The following INPP4B variants were observed in gnomAD, a reference collection of about 807,000 sequenced individuals.
INPP4B encodes inositol polyphosphate-4-phosphatase type II B.
A neutral mutation model predicts 122.5 loss-of-function variants in INPP4B; 55 were observed. The ratio of observed to expected loss-of-function variants is 0.45; its 90% CI spans 0.36 to 0.56. The LOEUF is 0.56. INPP4B is among the 20% of genes least tolerant of loss of function. The probability of loss-of-function intolerance (pLI) is 0.00; values close to 1 mark genes in which losing one functional copy is unlikely to be tolerated. For missense variants in INPP4B, 1,000 were observed against 1,097.7 expected, an observed-to-expected ratio of 0.91 and a Z score of 1.26; for synonymous variants, 403 against 388.7, an observed-to-expected ratio of 1.04 and a Z score of -0.43.
At chr4:142,171,900 G>T (rs1017060964) in intron 16 of INPP4B, among the ~76,000 whole-genome samples, 12 of 151,910 alleles carry the variant, frequency 7.9e-5, no homozygotes, top group African/African-American at 2.4e-4. Flanking sequence ...TCCCTGCCCA[G>T]TGCACAAGAA....
At chr4:142,731,317 T>C (rs1457471831) in intron 1 of INPP4B, among the ~76,000 whole-genome samples, 1 of 152,210 alleles carries the variant, frequency 6.6e-6, no homozygotes, top group African/African-American at 2.4e-5. Flanking sequence ...TATATCTAAA[T>C]GCAATCCTTT....
chr4:142,032,002 C>G (rs537812410), intron 25 of INPP4B, among the ~76,000 whole-genome samples: 4 of 152,186 alleles, frequency 2.6e-5, no homozygotes, highest in African/African-American at 9.6e-5. Context: ...GGAAAAGATT[C>G]ATATGTGTGT....
At chr4:142,841,491 T>C (rs1783486283) in intron 1 of INPP4B, among the ~76,000 whole-genome samples, 1 of 151,960 alleles carries the variant, frequency 6.6e-6, no homozygotes, top group African/African-American at 2.4e-5. Context: ...TCTAAAATGG[T>C]AGTCCCCAAG....
chr4:142,242,796 C>T (rs1860139170), intron 11 of INPP4B, among the ~76,000 whole-genome samples: 2 of 152,156 alleles, frequency 1.3e-5, no homozygotes, highest in South Asian at 2.1e-4. Flanking sequence ...CATCACATCC[C>T]CGTCTCTATC....
Position 142,082,151 on chromosome 4 carries a change from C to G in INPP4B, c.2522G>C (p.Cys841Ser). 1.3e-6 allele frequency: 2 copies of G among 1,533,954 alleles called. No individual in the cohort carries two copies. Among genetic ancestry groups the G allele is most frequent in the Non-Finnish European group, 1.8e-6 (2 of 1,122,046 alleles). ...CRKLNGIRFTCCKSAKDRTSM... is the reference protein window; with the variant it reads ...CRKLNGIRFTSCKSAKDRTSM... ...TGTCCTGTCTTTGGCACTTTTACAA[C>G]AGGTGAAACGAATACCATTCAGTTT... The change falls in exon 25 of 26, where the codon TGT becomes TCT. Residue 841 changes from cysteine to serine, a missense_variant. Physicochemically the swap from Cys to Ser is moderately radical, Grantham distance 112. Coordinates refer to ENST00000262992, the MANE Select transcript of INPP4B (RefSeq NM_001101669.3).
chr4:142,799,542 A>G (rs1027476518), intron 1 of INPP4B, among the ~76,000 whole-genome samples: 3 of 151,962 alleles, frequency 2.0e-5, no homozygotes, highest in Non-Finnish European at 4.4e-5. Flanking sequence ...ATTAATTTAA[A>G]ATATTTTAAG....
At chr4:142,251,536 G>A (rs564387292) in intron 11 of INPP4B, among the ~76,000 whole-genome samples, 23 of 152,258 alleles carry the variant, frequency 1.5e-4, no homozygotes, top group African/African-American at 5.3e-4. Flanking sequence ...ATTAATAGCT[G>A]TCTGGGTAGA....
chr4:142,116,694 C>A (rs1793680190), intron 21 of INPP4B, among the ~76,000 whole-genome samples: 1 of 151,918 alleles, frequency 6.6e-6, no homozygotes, highest in African/African-American at 2.4e-5. Flanking sequence ...CAACAAATGC[C>A]CAAAAGAGAA....
chr4:142,621,712 A>T (rs1212341755), intron 2 of INPP4B, among the ~76,000 whole-genome samples: 1 of 151,886 alleles, frequency 6.6e-6, no homozygotes, highest in Non-Finnish European at 1.5e-5. Context: ...ATGTGGATTA[A>T]ATATGATGTA....
At chr4:142,406,845 G>T (rs919341298) in intron 5 of INPP4B, among the ~76,000 whole-genome samples, 4 of 152,018 alleles carry the variant, frequency 2.6e-5, no homozygotes, top group Non-Finnish European at 5.9e-5. Context: ...GTTTTACATA[G>T]AACTAGAACT....
intron 1 of INPP4B, among the ~76,000 whole-genome samples, chr4:142,844,127 C>T (rs144902914): frequency 1.3e-5 from 2 of 152,102 alleles, no homozygotes; most frequent in East Asian, 3.9e-4. Flanking sequence ...TCAAACACAA[C>T]ATTTTAAAAG....
chr4:142,677,814 G>A (rs1298886329), intron 2 of INPP4B, among the ~76,000 whole-genome samples: 1 of 152,000 alleles, frequency 6.6e-6, no homozygotes, highest in African/African-American at 2.4e-5. Context: ...GCCACAGGGA[G>A]GGGAACATCA....
At chr4:142,804,364 T>C (rs1778408149) in intron 1 of INPP4B, among the ~76,000 whole-genome samples, 3 of 152,192 alleles carry the variant, frequency 2.0e-5, no homozygotes, top group African/African-American at 7.2e-5. Flanking sequence ...GGTCATACTG[T>C]GCACTCTGCT....
chr4:142,258,610 C>T (rs1443031150), intron 11 of INPP4B, among the ~76,000 whole-genome samples: 7 of 152,112 alleles, frequency 4.6e-5, no homozygotes, highest in South Asian at 4.1e-4. Flanking sequence ...AAAATGCTCA[C>T]CATCACTGGT....
intron 2 of INPP4B, among the ~76,000 whole-genome samples, chr4:142,613,073 G>C (rs1742913025): frequency 6.6e-6 from 1 of 152,096 alleles, no homozygotes; most frequent in Admixed American, 6.6e-5. Context: ...AATGGCTAGA[G>C]ATCCGGCTGC....
chr4:142,260,592 A>AG, intron 10 of INPP4B, 28 bp from the exon 11 acceptor site: 1 of 1,383,144 alleles, frequency 7.2e-7, no homozygotes, highest in Non-Finnish European at 1.0e-6. Context: ...AAAAAAAAAA[A>AG]AATTTTGAGA....
At chr4:142,197,091 A>T (rs1196423111) in intron 14 of INPP4B, among the ~76,000 whole-genome samples, 1 of 141,386 alleles carries the variant, frequency 7.1e-6, no homozygotes, top group Admixed American at 7.5e-5. Flanking sequence ...GCGCCATTGC[A>T]CTCCAGCCTG....
chr4:142,132,072 A>C (rs1451105019), intron 18 of INPP4B, among the ~76,000 whole-genome samples: 4 of 152,190 alleles, frequency 2.6e-5, no homozygotes, highest in African/African-American at 9.7e-5. Flanking sequence ...ATTTATGAGA[A>C]AGTTAAGTAA....
intron 18 of INPP4B, among the ~76,000 whole-genome samples, chr4:142,141,845 A>G (rs1039094640): frequency 2.0e-5 from 3 of 152,124 alleles, no homozygotes; most frequent in African/African-American, 7.2e-5. Context: ...AACACAAATT[A>G]TAGCTACAAT....
Sources: allele counts gnomAD v4.1 joint callset (sites outside exome capture counted in the v4.1 genomes callset), GRCh38; gene constraint gnomAD v4.1.1; transcripts MANE v1.5; gene names NCBI Gene and HGNC (gene_info 2026-07-23, HGNC 2026-07-21).